Variants in USP10 observed in about 807,000 individuals in gnomAD.
The protein encoded by USP10 is ubiquitin carboxyl-terminal hydrolase 10.
A neutral mutation model predicts 84.5 loss-of-function variants in USP10; 22 were observed. The observed-to-expected ratio is 0.26, with a 90% CI of 0.19 to 0.37. The LOEUF (loss-of-function observed/expected upper bound fraction) is 0.37, where lower values mean the gene tolerates loss of function less well. Among genes scored for constraint, USP10 ranks in the 10% least tolerant of loss-of-function variants. The probability of loss-of-function intolerance (pLI) is 1.00; values close to 1 mark genes in which losing one functional copy is unlikely to be tolerated. For synonymous variants in USP10, 454 were observed against 387.6 expected (o/e 1.17, Z -2.01); for missense variants, 1,019 against 998.9 (o/e 1.02, Z -0.27).
At chr16:84,713,685 G>C (rs1364524645) in intron 1 of USP10, among the ~76,000 whole-genome samples, 1 of 152,214 alleles carries the variant, frequency 6.6e-6, no homozygotes, top group African/African-American at 2.4e-5. Flanking sequence ...CCACAGTCAG[G>C]TGTGGGAAAG....
At chr16:84,730,947 G>A (rs1909132535) in intron 1 of USP10, among the ~76,000 whole-genome samples, 2 of 149,414 alleles carry the variant, frequency 1.3e-5, no homozygotes, top group African/African-American at 2.5e-5. Context: ...AAGATAAAAT[G>A]GATAACTTTT....
chr16:84,745,563 A>G lies in USP10; in HGVS notation c.1082A>G (p.Glu361Gly). 6.2e-7 allele frequency: 1 copy of G among 1,611,270 alleles called. No individual in the cohort carries two copies. Among genetic ancestry groups the G allele is most frequent in the Non-Finnish European group, 8.5e-7 (1 of 1,178,582 alleles). ...PSSSSPVAYV[E>G]TKYSPPAISP... ...TCCTCCTCGCCGGTGGCCTATGTGG[A>G]AACTAAGTATTCCCCTCCCGCCATA... The change falls in exon 4 of 14, where the codon GAA (glutamate) becomes GGA (glycine). Residue 361 changes from glutamate (E) to glycine (G), a missense_variant. Around this residue, in one of 2 missense-constraint regions of USP10, gnomAD observed 787 missense variants for 708.8 expected, o/e 1.11. Transcript: ENST00000219473.
At chr16:84,736,156 T>A (rs1909914515) in intron 2 of USP10, among the ~76,000 whole-genome samples, 1 of 152,220 alleles carries the variant, frequency 6.6e-6, no homozygotes, top group South Asian at 2.1e-4. Flanking sequence ...TCAGGTAACA[T>A]AATTGCCGCT....
At chr16:84,702,224 T>G (rs1904978435) in intron 1 of USP10, among the ~76,000 whole-genome samples, 1 of 151,588 alleles carries the variant, frequency 6.6e-6, no homozygotes. Context: ...GCCTGGCTAA[T>G]TTTTTGTATT....
rs565039386 is a variant in USP10, at chr16:84,713,071, G to C, written c.21+12960G>C. 6.6e-5 allele frequency among the ~76,000 whole-genome samples: 10 copies of C among 152,318 alleles called. No individual in the cohort carries two copies. In the South Asian group the frequency reaches 1.2e-3, roughly 19 times the overall value. ...TGGAGCAGCCAGCCTTTCCAGTACA[G>C]GGCCCAATTATGTGTCACCAGTGAA... On this transcript the variant is annotated intron_variant, in intron 1 of 13. Transcript: ENST00000219473.
At position 84,731,029 on chromosome 16, in the gene USP10, G is replaced by T. The variant is rs1215419893; in HGVS notation, c.22-2406G>T. 2.7e-5 allele frequency among the ~76,000 whole-genome samples: 4 copies of T among 146,292 alleles called. No individual in the cohort carries two copies. The Admixed American group carries it at 2.8e-4, about 10-fold the overall frequency. On this transcript the variant is annotated intron_variant, in intron 1 of 13. Transcript: ENST00000219473. ...GGAATCTCTCTCTGTCAGCAGGCTG[G>T]AGTGCAGTGGCTCATTCTCGGCTTG...
chr16:84,759,794 C>T, intron 6 of USP10, 97 bp from the exon 7 acceptor site: 2 of 1,246,812 alleles, frequency 1.6e-6, no homozygotes, highest in Non-Finnish European at 2.3e-6. Flanking sequence ...ATCTACTATA[C>T]TCGTATAGCT....
At chr16:84,755,897 C>G (rs1179043036) in intron 4 of USP10, among the ~76,000 whole-genome samples, 1 of 152,070 alleles carries the variant, frequency 6.6e-6, no homozygotes, top group Non-Finnish European at 1.5e-5. Context: ...TAAAACTGAG[C>G]TCATTACCAC....
At chr16:84,719,062 G>A (rs1907439215) in intron 1 of USP10, among the ~76,000 whole-genome samples, 2 of 152,044 alleles carry the variant, frequency 1.3e-5, no homozygotes, top group African/African-American at 4.8e-5. Flanking sequence ...AAAGTGCTGG[G>A]ATTACAGGCA....
At chr16:84,715,226 G>A (rs549384850) in intron 1 of USP10, among the ~76,000 whole-genome samples, 5 of 151,730 alleles carry the variant, frequency 3.3e-5, no homozygotes, top group Admixed American at 6.6e-5. Flanking sequence ...CACCACTCCC[G>A]GCCCATTTAT....
chr16:84,753,000 T>C (rs1478581741), intron 4 of USP10, among the ~76,000 whole-genome samples: 1 of 152,190 alleles, frequency 6.6e-6, no homozygotes, highest in East Asian at 1.9e-4. Context: ...AGGGTCTTGC[T>C]CATTCATTCA....
chr16:84,717,888 A>G (rs16974436), intron 1 of USP10, among the ~76,000 whole-genome samples: 12,068 of 152,242 alleles, frequency 0.079, 704 homozygotes, highest in East Asian at 0.27. Flanking sequence ...TGCCAAATGC[A>G]GTTTTTCTGA....
intron 8 of USP10, 67 bp from the exon 9 acceptor site, chr16:84,762,922 C>T: frequency 1.1e-6 from 1 of 941,464 alleles, no homozygotes; most frequent in Non-Finnish European, 1.6e-6. Context: ...TTTGCAAGTA[C>T]TGCATGTCCT....
intron 2 of USP10, among the ~76,000 whole-genome samples, chr16:84,736,121 A>G (rs764802279): frequency 6.7e-6 from 1 of 148,362 alleles, no homozygotes; most frequent in Non-Finnish European, 1.5e-5. Flanking sequence ...TGTCACTTCT[A>G]CAGCACAGTT....
At position 84,745,515 on chromosome 16, in the gene USP10, T is replaced by G. The variant is rs1234126446; in HGVS notation, c.1034T>G (p.Leu345Arg). 1 of 1,613,528 alleles carries G rather than the reference T, an allele frequency of 6.2e-7. No homozygotes were observed. The highest frequency in any genetic ancestry group is 8.5e-7 in the Non-Finnish European group (1 of 1,179,650). The part of the protein sequence containing the change: ...PVSQPKSWAS[L>R]FHDSKPSSSS... ...AGCCAGCCCAAGTCCTGGGCCAGCC[T>G]CTTTCATGATTCTAAGCCCTCTTCC... The change falls in exon 4 of 14, where the codon CTC becomes CGC. Residue 345 changes from leucine (L) to arginine (R), a missense_variant. Transcript: ENST00000219473.
chr16:84,756,984 G>T (rs142383322), intron 4 of USP10, among the ~76,000 whole-genome samples: 1 of 152,222 alleles, frequency 6.6e-6, no homozygotes, highest in Admixed American at 6.5e-5. Context: ...CTTGAGTCAG[G>T]TGGACCCAGG....
chr16:84,722,684 C>T (rs548143234), intron 1 of USP10, among the ~76,000 whole-genome samples: 2 of 152,096 alleles, frequency 1.3e-5, no homozygotes, highest in East Asian at 1.9e-4. Flanking sequence ...GCTAGCCTCC[C>T]GAGTAGCTGG....
At chr16:84,763,403 A>T (rs1393250339) in intron 9 of USP10, among the ~76,000 whole-genome samples, 2 of 152,226 alleles carry the variant, frequency 1.3e-5, no homozygotes, top group Admixed American at 1.3e-4. Flanking sequence ...TGCTATACAC[A>T]CACTGTGTAT....
At chr16:84,712,507 A>G (rs1162647543) in intron 1 of USP10, among the ~76,000 whole-genome samples, 1 of 152,222 alleles carries the variant, frequency 6.6e-6, no homozygotes, top group Non-Finnish European at 1.5e-5. Context: ...AAGCAAACAG[A>G]GAACAGCTGG....
Sources: gnomAD v4.1 joint callset for allele counts (sites outside exome capture counted in the v4.1 genomes callset) on GRCh38, gnomAD v4.1.1 for gene constraint, gnomAD v4.1.1 regional missense constraint, MANE v1.5 for transcripts, NCBI Gene and HGNC (gene_info 2026-07-23, HGNC 2026-07-21) for gene names.